RBPMS2: variants seen among roughly 807,000 people sequenced by gnomAD.
The protein encoded by RBPMS2 is RNA-binding protein with multiple splicing 2.
Under a neutral mutation model 25.7 loss-of-function variants are expected in RBPMS2, and 14 were observed. The observed-to-expected ratio is 0.55, with a 90% CI of 0.36 to 0.85. RBPMS2 has a LOEUF of 0.85. Ranked by LOEUF, RBPMS2 falls within the 40% of genes least tolerant of loss-of-function variation. The pLI is 0.01. For missense variants in RBPMS2, 252 were observed against 283.4 expected (o/e 0.89, Z 0.80); for synonymous variants, 127 against 115.6 (o/e 1.10, Z -0.63).
At position 64,740,234 on chromosome 15, in the gene RBPMS2, T is replaced by C. The variant is rs375390657; in HGVS notation, c.*774A>G. On this transcript the variant is annotated 3_prime_UTR_variant, in exon 8 of 8. Coordinates refer to ENST00000300069, the MANE Select transcript of RBPMS2 (RefSeq NM_194272.3). Reference sequence around the variant, plus strand: ...CACATGAAAAATCCTTTATGATGCATAAATATTTTGTTACACAGGGTACAA... The same window carrying C: ...CACATGAAAAATCCTTTATGATGCACAAATATTTTGTTACACAGGGTACAA... 1 of 152,352 alleles carries C rather than the reference T, an allele frequency of 6.6e-6. No individual in the cohort carries two copies. Among genetic ancestry groups the C allele is most frequent in the African/African-American group, 2.4e-5 (1 of 41,458 alleles). The allele number at this position is 152,352 out of a possible 1,614,324, so 9.4% of individuals were successfully genotyped here.
chr15:64,747,390 T>C (rs1345750111), intron 6 of RBPMS2, among the ~76,000 whole-genome samples: 1 of 152,134 alleles, frequency 6.6e-6, no homozygotes, highest in Non-Finnish European at 1.5e-5. Context: ...TGGCTTCTCC[T>C]GCTTTCCTTC....
chr15:64,757,642 C>G (rs1465582403), intron 1 of RBPMS2, among the ~76,000 whole-genome samples: 1 of 152,184 alleles, frequency 6.6e-6, no homozygotes, highest in Admixed American at 6.5e-5. Flanking sequence ...CAGGATCTTT[C>G]AGCAATGGCA....
intron 1 of RBPMS2, among the ~76,000 whole-genome samples, chr15:64,766,145 G>A (rs1411042405): frequency 1.3e-5 from 2 of 152,210 alleles, no homozygotes; most frequent in African/African-American, 2.4e-5. Flanking sequence ...TCCAAGTCAG[G>A]CTCTGTCCGT....
At chr15:64,752,059 G>C (rs997834191) in intron 1 of RBPMS2, among the ~76,000 whole-genome samples, 1 of 151,486 alleles carries the variant, frequency 6.6e-6, no homozygotes, top group African/African-American at 2.4e-5. Context: ...CCACCTCCTG[G>C]GTTCAAGAGA....
chr15:64,748,872 G>C, intron 5 of RBPMS2, 128 bp downstream of exon 5: 1 of 1,059,030 alleles, frequency 9.4e-7, no homozygotes. Flanking sequence ...AGGAAAACCA[G>C]GTGTTTCAAA....
At chr15:64,741,388 A>G (rs2083561204) in intron 6 of RBPMS2, 146 bp from the exon 7 acceptor site, 2 of 651,326 alleles carry the variant, frequency 3.1e-6, no homozygotes, top group African/African-American at 1.8e-5. Flanking sequence ...CTCACCTTTA[A>G]GCATCAGTTT....
At chr15:64,744,798 GTTTTTTTTTT>G (rs748967917) in intron 6 of RBPMS2, among the ~76,000 whole-genome samples, 5 of 46,300 alleles carry the variant, frequency 1.1e-4, no homozygotes, top group African/African-American at 2.9e-4. Flanking sequence ...GGTTTGTTTT[GTTTTTTTTTT>G]TTTTTTTTTT....
chr15:64,770,079 T>C (rs28711906), intron 1 of RBPMS2, among the ~76,000 whole-genome samples: 1 of 151,920 alleles, frequency 6.6e-6, no homozygotes, highest in East Asian at 1.9e-4. Flanking sequence ...CTTGGGAGGC[T>C]GAGGCAGGAT....
intron 6 of RBPMS2, among the ~76,000 whole-genome samples, chr15:64,743,652 G>A (rs76688901): frequency 6.6e-6 from 1 of 151,958 alleles, no homozygotes; most frequent in Non-Finnish European, 1.5e-5. Flanking sequence ...GGGGGGGGGG[G>A]CTCCTGAGAG....
At chr15:64,742,946 G>A (rs1481745786) in intron 6 of RBPMS2, among the ~76,000 whole-genome samples, 1 of 152,200 alleles carries the variant, frequency 6.6e-6, no homozygotes, top group African/African-American at 2.4e-5. Flanking sequence ...CAGAATTCCA[G>A]CCACCACATC....
intron 1 of RBPMS2, among the ~76,000 whole-genome samples, chr15:64,773,346 G>A (rs1214050081): frequency 6.6e-6 from 1 of 152,188 alleles, no homozygotes; most frequent in African/African-American, 2.4e-5. Flanking sequence ...TCCCTTACCA[G>A]ACCAGACAGA....
At chr15:64,758,277 G>A (rs2083752128) in intron 1 of RBPMS2, among the ~76,000 whole-genome samples, 1 of 152,188 alleles carries the variant, frequency 6.6e-6, no homozygotes, top group Admixed American at 6.5e-5. Context: ...CCCAAAATGT[G>A]AAGAGCAACC....
intron 1 of RBPMS2, among the ~76,000 whole-genome samples, chr15:64,773,122 C>T (rs2083903788): frequency 6.6e-6 from 1 of 152,318 alleles, no homozygotes; most frequent in South Asian, 2.1e-4. Flanking sequence ...TGGGAAGAAG[C>T]CACCTGTGTC....
chr15:64,751,924 T>C (rs2083685536), intron 1 of RBPMS2, among the ~76,000 whole-genome samples: 1 of 151,942 alleles, frequency 6.6e-6, no homozygotes, highest in Non-Finnish European at 1.5e-5. Flanking sequence ...AAGAAAGCCC[T>C]GTTTGATAAG....
intron 1 of RBPMS2, among the ~76,000 whole-genome samples, chr15:64,773,598 A>G (rs1333028610): frequency 6.6e-6 from 1 of 152,182 alleles, no homozygotes; most frequent in Non-Finnish European, 1.5e-5. Flanking sequence ...GAATGGCCAC[A>G]TGGGTCACCC....
At chr15:64,762,286 C>T (rs2083796207) in intron 1 of RBPMS2, 2 of 474,020 alleles carry the variant, frequency 4.2e-6, no homozygotes, top group Admixed American at 4.5e-5. Flanking sequence ...ACGAGACTGA[C>T]TGACAGACTG....
chr15:64,759,091 T>C (rs1165142717), intron 1 of RBPMS2, among the ~76,000 whole-genome samples: 1 of 152,130 alleles, frequency 6.6e-6, no homozygotes, highest in Non-Finnish European at 1.5e-5. Flanking sequence ...TCACCCATCC[T>C]GAGCCACCTC....
intron 1 of RBPMS2, among the ~76,000 whole-genome samples, chr15:64,768,678 T>A (rs941214563): frequency 6.7e-6 from 1 of 150,248 alleles, no homozygotes; most frequent in African/African-American, 2.5e-5. Context: ...GTGCTGGTAG[T>A]CCTACCTACT....
At chr15:64,754,635 T>C (rs1414405671) in intron 1 of RBPMS2, among the ~76,000 whole-genome samples, 1 of 142,748 alleles carries the variant, frequency 7.0e-6, no homozygotes, top group East Asian at 2.1e-4. Flanking sequence ...AAAACCCAAG[T>C]CTTCCTACTA....
Sources: allele counts gnomAD v4.1 joint callset (sites outside exome capture counted in the v4.1 genomes callset), GRCh38; gene constraint gnomAD v4.1.1; transcripts MANE v1.5; gene names NCBI Gene and HGNC (gene_info 2026-07-23, HGNC 2026-07-21).